Variants in SRGAP3 observed in about 807,000 individuals in gnomAD.
The protein encoded by SRGAP3 is SLIT-ROBO Rho GTPase activating protein 3, also known as SLIT-ROBO Rho GTPase-activating protein 3.
In SRGAP3, 39 loss-of-function variants were observed where a neutral mutation model predicts 121.1. That is an observed-to-expected ratio of 0.32 (90% CI 0.25 to 0.42). The LOEUF is 0.42. SRGAP3 is among the 10% of genes least tolerant of loss of function. The pLI, the probability that SRGAP3 is intolerant of heterozygous loss-of-function variation, is 1.00. For synonymous variants in SRGAP3, 601 were observed against 570.0 expected (o/e 1.05, Z -0.77); for missense variants, 1,213 against 1,470.6 (o/e 0.82, Z 2.86).
intron 12 of SRGAP3, chr3:9,028,164 G>A (rs1559949110): frequency 1.2e-6 from 2 of 1,613,958 alleles, no homozygotes; most frequent in Non-Finnish European, 1.7e-6. Context: ...AGCAGAGCAG[G>A]AGAAAAAGAA....
intron 1 of SRGAP3, among the ~76,000 whole-genome samples, chr3:9,211,403 T>G (rs536282145): frequency 6.6e-6 from 1 of 152,332 alleles, no homozygotes; most frequent in Admixed American, 6.5e-5. Flanking sequence ...AAACAAGCTA[T>G]GACTAATTCT....
At chr3:9,079,145 A>G (rs1035880160) in intron 4 of SRGAP3, among the ~76,000 whole-genome samples, 2 of 151,958 alleles carry the variant, frequency 1.3e-5, no homozygotes, top group African/African-American at 4.8e-5. Context: ...ATACAATTTT[A>G]CCAGCAGATT....
At chr3:9,260,852 A>G (rs1242622949) in intron 3 of SRGAP3, among the ~76,000 whole-genome samples, 1 of 152,214 alleles carries the variant, frequency 6.6e-6, no homozygotes, top group Non-Finnish European at 1.5e-5. Flanking sequence ...GAGCTCTGCT[A>G]AGGGACAGAC....
At chr3:9,091,066 G>C (rs543720453) in intron 3 of SRGAP3, among the ~76,000 whole-genome samples, 1 of 151,916 alleles carries the variant, frequency 6.6e-6, no homozygotes, top group Non-Finnish European at 1.5e-5. Context: ...TGAGTTTTAA[G>C]AACAAGACCT....
intron 1 of SRGAP3, among the ~76,000 whole-genome samples, chr3:9,201,673 C>T (rs560369879): frequency 2.0e-5 from 3 of 152,284 alleles, no homozygotes; most frequent in South Asian, 2.1e-4. Flanking sequence ...AATGACTTGG[C>T]GTTTGTCATC....
chr3:9,316,673 AT>A (rs1220176675), intron 3 of SRGAP3, among the ~76,000 whole-genome samples: 1 of 152,174 alleles, frequency 6.6e-6, no homozygotes, highest in Admixed American at 6.5e-5. Flanking sequence ...AAAAAAATTA[AT>A]ATAGCAATCT....
intron 1 of SRGAP3, among the ~76,000 whole-genome samples, chr3:9,141,735 T>C (rs1011012882): frequency 6.6e-6 from 1 of 152,198 alleles, no homozygotes; most frequent in Non-Finnish European, 1.5e-5. Context: ...ATGAGCTTCA[T>C]TTTTATGGTG....
rs183797010 is a variant in SRGAP3 at position 9,322,319 on chromosome 3, G to A, written n.442+3691C>T. On this transcript the variant is annotated intron_variant and non_coding_transcript_variant, in intron 3 of 3. Coordinates refer to the SRGAP3 transcript ENST00000490889. ...TTAAGGTGGATTGGACTTTCCAAGT[G>A]CGTTAAGTGGCAGCACACAAGGCCT... Among the ~76,000 whole-genome samples, 79 of 151,972 alleles carry A rather than the reference G, an allele frequency of 5.2e-4. 2 individuals are homozygous for A. The East Asian group carries it at 0.014, about 27-fold the overall frequency.
chr3:9,282,191 A>G (rs944859523), intron 3 of SRGAP3, among the ~76,000 whole-genome samples: 6 of 152,204 alleles, frequency 3.9e-5, no homozygotes, highest in Non-Finnish European at 7.3e-5. Context: ...AAGACTCCCA[A>G]AAAGATTTTG....
intron 1 of SRGAP3, among the ~76,000 whole-genome samples, chr3:9,167,158 G>C (rs1036015976): frequency 3.3e-5 from 5 of 152,176 alleles, no homozygotes; most frequent in African/African-American, 1.2e-4. Context: ...CTGGGCAGGA[G>C]AAAGGGGGAG....
intron 1 of SRGAP3, chr3:9,355,862 A>G (rs1056829736): frequency 6.6e-6 from 1 of 152,186 alleles, no homozygotes; most frequent in Non-Finnish European, 1.5e-5. Context: ...CCTTCTTGCT[A>G]TGTCACCCCA....
At chr3:9,128,311 A>C (rs1949317017) in intron 1 of SRGAP3, among the ~76,000 whole-genome samples, 1 of 152,258 alleles carries the variant, frequency 6.6e-6, no homozygotes, top group Admixed American at 6.5e-5. Flanking sequence ...TGATACATAA[A>C]TCAATATAAA....
intron 1 of SRGAP3, among the ~76,000 whole-genome samples, chr3:9,227,002 G>C (rs576970068): frequency 8.3e-4 from 126 of 152,238 alleles, no homozygotes; most frequent in Admixed American, 2.3e-3. Context: ...AAACCCACCT[G>C]CCCACAGGAG....
chr3:9,361,251 T>C (rs2030799671), intron 1 of SRGAP3, among the ~76,000 whole-genome samples: 1 of 151,868 alleles, frequency 6.6e-6, no homozygotes, highest in South Asian at 2.1e-4. Flanking sequence ...TACAGGTGAG[T>C]GTCACCATGC....
At chr3:9,134,784 C>T (rs1949583060) in intron 1 of SRGAP3, among the ~76,000 whole-genome samples, 1 of 152,166 alleles carries the variant, frequency 6.6e-6, no homozygotes, top group Non-Finnish European at 1.5e-5. Flanking sequence ...TCATTATATG[C>T]ATCCCAGTGC....
chr3:9,104,249 T>C (rs879878713), intron 3 of SRGAP3, among the ~76,000 whole-genome samples: 2 of 152,208 alleles, frequency 1.3e-5, no homozygotes, highest in Non-Finnish European at 2.9e-5. Flanking sequence ...ATGTGTACAC[T>C]AGAAAATATA....
At chr3:9,072,833 G>A (rs750074381) in intron 4 of SRGAP3, among the ~76,000 whole-genome samples, 1 of 152,238 alleles carries the variant, frequency 6.6e-6, no homozygotes, top group Non-Finnish European at 1.5e-5. Flanking sequence ...GTGACATAGG[G>A]CTGGAGGAAG....
At chr3:9,288,126 C>CTTTATTT (rs1303208494) in intron 3 of SRGAP3, among the ~76,000 whole-genome samples, 1 of 111,836 alleles carries the variant, frequency 8.9e-6, no homozygotes, top group Non-Finnish European at 2.0e-5. Context: ...TTCATTCTAT[C>CTTTATTT]TTTGTTTTTT....
At position 9,032,712 on chromosome 3, in the gene SRGAP3, G is replaced by C. The variant is rs369364353; in HGVS notation, c.1477C>G (p.Pro493Ala). The change falls in exon 12 of 22, where the codon CCT becomes GCT. Residue 493 changes from proline (P) to alanine (A), a missense_variant. Around this residue, in one of 2 missense-constraint regions of SRGAP3, gnomAD observed 793 missense variants for 1,032.9 expected, o/e 0.77. Coordinates refer to ENST00000383836, the MANE Select transcript of SRGAP3 (RefSeq NM_014850.4). ...LPPKPQKMRR[P>A]RPLSVYSHKL... is the part of the protein sequence containing the mutation. ...TGGCTATACACTGAGAGAGGCCTAG[G>C]TCTCCTCATTTTCTGTGGTTTAGGG... 1.2e-5 allele frequency: 19 copies of C among 1,613,182 alleles called. No homozygotes were observed. The highest frequency in any genetic ancestry group is 1.6e-5 in the Non-Finnish European group (19 of 1,179,778).
Sources: allele counts gnomAD v4.1 joint callset (sites outside exome capture counted in the v4.1 genomes callset), GRCh38; gene constraint gnomAD v4.1.1; regional missense constraint gnomAD v4.1.1; transcripts MANE v1.5; gene names NCBI Gene and HGNC (gene_info 2026-07-23, HGNC 2026-07-21).